LHFPL6: variants seen among roughly 807,000 people sequenced by gnomAD.
The protein encoded by LHFPL6 is LHFPL tetraspan subfamily member 6 protein.
A neutral mutation model predicts 20.6 loss-of-function variants in LHFPL6; 9 were observed. The ratio of observed to expected loss-of-function variants is 0.44; its 90% CI spans 0.26 to 0.76. The LOEUF (loss-of-function observed/expected upper bound fraction) is 0.76, where lower values mean the gene tolerates loss of function less well. LHFPL6 is among the 30% of genes least tolerant of loss of function. The probability of loss-of-function intolerance (pLI) is 0.20; values close to 1 mark genes in which losing one functional copy is unlikely to be tolerated. For synonymous variants in LHFPL6, 105 were observed against 98.7 expected (o/e 1.06, Z -0.38); for missense variants, 218 against 253.5 (o/e 0.86, Z 0.95).
intron 2 of LHFPL6, among the ~76,000 whole-genome samples, chr13:39,386,305 G>A (rs1453909582): frequency 6.6e-6 from 1 of 152,168 alleles, no homozygotes; most frequent in Non-Finnish European, 1.5e-5. Context: ...CAGTGGTGGG[G>A]AAGGAACAAG....
chr13:39,409,039 T>A (rs1236829167), intron 2 of LHFPL6, among the ~76,000 whole-genome samples: 1 of 152,166 alleles, frequency 6.6e-6, no homozygotes, highest in African/African-American at 2.4e-5. Flanking sequence ...TATGAGGAAT[T>A]TGTAGCGTTA....
chr13:39,419,076 G>A (rs539769043), intron 2 of LHFPL6, among the ~76,000 whole-genome samples: 3 of 152,236 alleles, frequency 2.0e-5, no homozygotes, highest in African/African-American at 7.2e-5. Context: ...CAATTAGTAA[G>A]TAGGTGAATC....
At chr13:39,380,101 A>G (rs1040686941) in intron 2 of LHFPL6, among the ~76,000 whole-genome samples, 2 of 152,230 alleles carry the variant, frequency 1.3e-5, no homozygotes, top group Non-Finnish European at 1.5e-5. Flanking sequence ...TTTGGGCACC[A>G]TTAAGTAAAG....
chr13:39,398,792 C>T (rs1870907313), intron 2 of LHFPL6, among the ~76,000 whole-genome samples: 1 of 152,190 alleles, frequency 6.6e-6, no homozygotes, highest in Admixed American at 6.5e-5. Flanking sequence ...ATTAGATTCT[C>T]ATAGAAGCAC....
At chr13:39,483,395 G>T (rs2138447037) in intron 2 of LHFPL6, among the ~76,000 whole-genome samples, 1 of 151,522 alleles carries the variant, frequency 6.6e-6, no homozygotes, top group East Asian at 1.9e-4. Context: ...AGTTTTCTTT[G>T]CCCCCTATCT....
chr13:39,352,151 G>A (rs954486360), intron 3 of LHFPL6, among the ~76,000 whole-genome samples: 1 of 152,238 alleles, frequency 6.6e-6, no homozygotes, highest in South Asian at 2.1e-4. Context: ...CTTTAAGGAT[G>A]TGGAAATGTG....
chr13:39,512,597 G>A (rs1210704533), intron 2 of LHFPL6, among the ~76,000 whole-genome samples: 5 of 69,620 alleles, frequency 7.2e-5, no homozygotes, highest in South Asian at 4.1e-4. Context: ...GCGAGCCTCC[G>A]TCTCAAAAAA....
chr13:39,404,989 C>G (rs1871084175), intron 2 of LHFPL6, among the ~76,000 whole-genome samples: 1 of 152,188 alleles, frequency 6.6e-6, no homozygotes, highest in African/African-American at 2.4e-5. Flanking sequence ...GATCAGTTTT[C>G]TAACAGGTAC....
intron 2 of LHFPL6, among the ~76,000 whole-genome samples, chr13:39,388,124 T>C (rs916742769): frequency 2.0e-5 from 3 of 152,254 alleles, no homozygotes; most frequent in Admixed American, 2.0e-4. Flanking sequence ...TATGATAATT[T>C]GACAACCTAT....
intron 2 of LHFPL6, among the ~76,000 whole-genome samples, chr13:39,581,028 A>G (rs941123183): frequency 3.3e-5 from 5 of 152,250 alleles, no homozygotes; most frequent in African/African-American, 4.8e-5. Context: ...TTTTTCTGGA[A>G]TCTGACTGCA....
At chr13:39,440,073 T>C (rs1384489321) in intron 2 of LHFPL6, among the ~76,000 whole-genome samples, 2 of 152,154 alleles carry the variant, frequency 1.3e-5, no homozygotes, top group African/African-American at 4.8e-5. Context: ...AAGTATGTAT[T>C]AGAGGAAGAA....
chr13:39,380,357 C>CCAGT (rs1380708646), intron 2 of LHFPL6, among the ~76,000 whole-genome samples: 1 of 152,044 alleles, frequency 6.6e-6, no homozygotes, highest in East Asian at 1.9e-4. Context: ...GAGCCATGAA[C>CCAGT]CAGTATGGGT....
At chr13:39,465,749 G>T (rs1035252404) in intron 2 of LHFPL6, among the ~76,000 whole-genome samples, 1 of 152,160 alleles carries the variant, frequency 6.6e-6, no homozygotes, top group African/African-American at 2.4e-5. Context: ...GGGTGGCCTC[G>T]CAGAACAGAG....
At chr13:39,565,855 T>C (rs1871697200) in intron 2 of LHFPL6, among the ~76,000 whole-genome samples, 1 of 152,242 alleles carries the variant, frequency 6.6e-6, no homozygotes, top group South Asian at 2.1e-4. Context: ...TCCAACCCAC[T>C]GTACGTGGGG....
chr13:39,588,101 C>T (rs986170227), intron 2 of LHFPL6, among the ~76,000 whole-genome samples: 1 of 152,100 alleles, frequency 6.6e-6, no homozygotes, highest in African/African-American at 2.4e-5. Flanking sequence ...GAGTGGCACA[C>T]AGTGTGTGAG....
intron 2 of LHFPL6, among the ~76,000 whole-genome samples, chr13:39,479,790 C>G (rs112904308): frequency 6.6e-6 from 1 of 152,138 alleles, no homozygotes; most frequent in Admixed American, 6.6e-5. Context: ...AGCAAACTAT[C>G]AGCTAAACTC....
At chr13:39,588,017 C>T (rs1335925029) in intron 2 of LHFPL6, among the ~76,000 whole-genome samples, 1 of 152,138 alleles carries the variant, frequency 6.6e-6, no homozygotes, top group Non-Finnish European at 1.5e-5. Flanking sequence ...TATCCAGATG[C>T]CAGATGCTAA....
At chr13:39,482,260 A>G (rs1188669075) in intron 2 of LHFPL6, among the ~76,000 whole-genome samples, 2 of 152,174 alleles carry the variant, frequency 1.3e-5, no homozygotes, top group African/African-American at 4.8e-5. Flanking sequence ...CCTGGCCAAC[A>G]TGGCAAAACC....
intron 2 of LHFPL6, among the ~76,000 whole-genome samples, chr13:39,486,483 C>A (rs1296523472): frequency 1.3e-5 from 2 of 152,098 alleles, no homozygotes; most frequent in African/African-American, 2.4e-5. Context: ...CCCAGGGAGC[C>A]CCACAAACCT....
Sources: allele counts gnomAD v4.1 joint callset (sites outside exome capture counted in the v4.1 genomes callset), GRCh38; gene constraint gnomAD v4.1.1; transcripts MANE v1.5; gene names NCBI Gene and HGNC (gene_info 2026-07-23, HGNC 2026-07-21).